The following FLT1 variants were observed in gnomAD, a reference collection of about 807,000 sequenced individuals.
FLT1 encodes fms related receptor tyrosine kinase 1, also known as vascular endothelial growth factor receptor 1.
Under a neutral mutation model 156.3 loss-of-function variants are expected in FLT1, and 49 were observed. The observed-to-expected ratio is 0.31, with a 90% confidence interval of 0.25 to 0.40. The LOEUF is 0.40. FLT1 is among the 10% of genes least tolerant of loss of function. The pLI is 1.00. For missense variants in FLT1, 1,322 were observed against 1,637.2 expected (o/e 0.81, Z 3.32); for synonymous variants, 594 against 583.8 (o/e 1.02, Z -0.25).
rs147364558 is a variant in FLT1, at chr13:28,391,842, C to T, written c.1661-1738G>A. On this transcript the variant is annotated intron_variant, in intron 12 of 29. Coordinates refer to ENST00000282397, the MANE Select transcript of FLT1 (RefSeq NM_002019.4). ...TTAGTATCATTTTGGCCCAGTCTCACGGGAGGATTTTAAAAAGTCTGCCGG... is the reference window on the plus strand; with the variant it reads ...TTAGTATCATTTTGGCCCAGTCTCATGGGAGGATTTTAAAAAGTCTGCCGG... Among the ~76,000 whole-genome samples the T allele has an allele frequency of 9.2e-5, 14 of 152,246 alleles. No individual in the cohort carries two copies. In the East Asian group the frequency reaches 1.9e-3, roughly 21 times the overall value.
intron 26 of FLT1, 57 bp downstream of exon 26, chr13:28,311,936 A>C: frequency 1.6e-6 from 2 of 1,273,064 alleles, no homozygotes; most frequent in Non-Finnish European, 2.3e-6. Flanking sequence ...AAAACAAATA[A>C]AATGCCCCCC....
chr13:28,418,101 A>G (rs9319432), intron 10 of FLT1, among the ~76,000 whole-genome samples: 145,217 of 152,184 alleles, frequency 0.95, 69,524 homozygotes, highest in East Asian at 1. Context: ...TGGTGGGAAA[A>G]TCACAGAAAA....
chr13:28,325,886 T>C (rs1315365334), intron 20 of FLT1, among the ~76,000 whole-genome samples: 1 of 151,718 alleles, frequency 6.6e-6, no homozygotes, highest in East Asian at 1.9e-4. Flanking sequence ...AAAATGATGT[T>C]CTTGCATATA....
intron 9 of FLT1, 126 bp downstream of exon 9, chr13:28,427,626 T>C: frequency 1.2e-6 from 1 of 868,420 alleles, no homozygotes; most frequent in Non-Finnish European, 1.9e-6. Context: ...TAACGTTAAG[T>C]GTTTTTTCAA....
In FLT1 at chr13:28,300,536, C is replaced by T. The variant is rs1195062655; in HGVS notation, c.*2631G>A. ...ACACATACACCCACACACACACACA[C>T]ACACACACACACACACACACATACA... On this transcript the variant is annotated 3_prime_UTR_variant, in exon 30 of 30. Coordinates refer to ENST00000282397, the MANE Select transcript of FLT1 (RefSeq NM_002019.4). 1 of 232,350 alleles carries T rather than the reference C, an allele frequency of 4.3e-6. No homozygotes were observed. The highest frequency in any genetic ancestry group is 2.2e-5 in the African/African-American group (1 of 45,052). 14.4% of individuals were successfully genotyped at this position (232,350 alleles called of 1,614,324 possible).
rs1236073751 is a variant in FLT1, at chr13:28,368,557, TGA to T, written c.2117-10874_2117-10873del. 5.8e-6 allele frequency: 9 copies of T among 1,539,586 alleles called. No individual in the cohort carries two copies. In the African/African-American group the frequency reaches 1.1e-4, roughly 19 times the overall value. On this transcript the variant is annotated intron_variant, in intron 14 of 29. Transcript: ENST00000282397. ...ATGGTAGCTATGATGATGATGATGATGATGATGATAATGATGATAGCTATGAT... is the reference window on the plus strand; with the variant it reads ...ATGGTAGCTATGATGATGATGATGATTGATGATAATGATGATAGCTATGAT...
chr13:28,412,622 T>A (rs953383215), intron 10 of FLT1, among the ~76,000 whole-genome samples: 9 of 151,662 alleles, frequency 5.9e-5, no homozygotes, highest in African/African-American at 2.2e-4. Flanking sequence ...GGTTTTGCCA[T>A]GTTGGCCAGG....
intron 3 of FLT1, among the ~76,000 whole-genome samples, chr13:28,450,413 G>C (rs369033772): frequency 6.6e-6 from 1 of 152,126 alleles, no homozygotes; most frequent in African/African-American, 2.4e-5. Context: ...ACACTAAGCT[G>C]GCTGGCGGTT....
intron 3 of FLT1, among the ~76,000 whole-genome samples, chr13:28,464,007 T>C (rs1201069420): frequency 7.0e-6 from 1 of 142,068 alleles, no homozygotes; most frequent in African/African-American, 2.5e-5. Context: ...TCCTAAATAT[T>C]TGCTGATTAA....
At chr13:28,389,458 A>G in intron 13 of FLT1, 1 of 1,314,992 alleles carries the variant, frequency 7.6e-7, no homozygotes, top group Admixed American at 3.6e-5. Context: ...AAACAGCAAG[A>G]GCAACAAACA....
intron 3 of FLT1, among the ~76,000 whole-genome samples, chr13:28,458,614 A>G (rs990880912): frequency 2.6e-5 from 4 of 152,234 alleles, no homozygotes; most frequent in African/African-American, 9.6e-5. Context: ...AAGTCTACCA[A>G]TGTGAGTGGC....
rs1445829635 is a variant in FLT1, at chr13:28,302,448, T to C, written c.*719A>G. The stretch of plus-strand genomic sequence containing the variant: ...CACTTCCATAGGTAAAGTTCTAAAA[T>C]TTGCTTTAGTTCCAAAAAAGATATT... On this transcript the variant is annotated 3_prime_UTR_variant, in exon 30 of 30. Coordinates refer to ENST00000282397, the MANE Select transcript of FLT1 (RefSeq NM_002019.4). 7 of 233,110 alleles carry C rather than the reference T, an allele frequency of 3.0e-5. No individual in the cohort carries two copies. Among genetic ancestry groups the C allele is most frequent in the Admixed American group, 2.3e-4 (4 of 17,776 alleles). The allele number at this position is 233,110 out of a possible 1,614,324, so 14.4% of individuals were successfully genotyped here.
At chr13:28,387,678 C>A (rs1874441972) in intron 13 of FLT1, 1 of 1,064,372 alleles carries the variant, frequency 9.4e-7, no homozygotes, top group Non-Finnish European at 1.1e-6. Flanking sequence ...TTCAATTATT[C>A]CCCATTTTAG....
chr13:28,387,159 A>T, intron 13 of FLT1: 1 of 1,035,666 alleles, frequency 9.7e-7, no homozygotes, highest in Non-Finnish European at 1.2e-6. Context: ...TGATAGAAGC[A>T]GCAAAAAGGC....
chr13:28,394,941 G>C (rs1039494630), intron 12 of FLT1, among the ~76,000 whole-genome samples: 1 of 152,200 alleles, frequency 6.6e-6, no homozygotes, highest in Non-Finnish European at 1.5e-5. Flanking sequence ...GGCCAAAGGA[G>C]ACTATCTGTG....
intron 1 of FLT1, among the ~76,000 whole-genome samples, chr13:28,492,676 G>A (rs1881533741): frequency 6.6e-6 from 1 of 152,238 alleles, no homozygotes. Flanking sequence ...GAACTCTGCA[G>A]TGGGGAACCG....
At chr13:28,318,998 G>A (rs189785907) in intron 24 of FLT1, among the ~76,000 whole-genome samples, 12 of 152,304 alleles carry the variant, frequency 7.9e-5, no homozygotes, top group East Asian at 3.9e-4. Context: ...CACCTTCCTC[G>A]CTGGGGCAGC....
intron 1 of FLT1, among the ~76,000 whole-genome samples, chr13:28,470,986 G>A (rs996227078): frequency 5.9e-5 from 9 of 152,082 alleles, no homozygotes; most frequent in South Asian, 2.1e-4. Flanking sequence ...CCACCGCGCC[G>A]CGCAAGAAGT....
intron 14 of FLT1, among the ~76,000 whole-genome samples, chr13:28,362,156 T>G (rs8002986): frequency 2.2e-4 from 34 of 152,234 alleles, no homozygotes; most frequent in African/African-American, 7.5e-4. Context: ...AAGAGAGAGA[T>G]GAGTCCAAGG....
Sources: allele counts gnomAD v4.1 joint callset (sites outside exome capture counted in the v4.1 genomes callset), GRCh38; gene constraint gnomAD v4.1.1; transcripts MANE v1.5; gene names NCBI Gene and HGNC (gene_info 2026-07-23, HGNC 2026-07-21).